Variants in LSM14A observed in about 807,000 individuals in gnomAD.
LSM14A encodes protein LSM14 homolog A.
LSM14A carries 14 observed loss-of-function variants against 52.4 expected under a neutral mutation model. That is an observed-to-expected ratio of 0.27 (90% CI 0.18 to 0.42). The LOEUF is 0.42. Ranked by LOEUF, LSM14A falls within the 10% of genes least tolerant of loss-of-function variation. The pLI is 1.00. For missense variants in LSM14A, 417 were observed against 581.8 expected (o/e 0.72, Z 2.91); for synonymous variants, 185 against 200.3 (o/e 0.92, Z 0.64).
chr19:34,194,775 A>G (rs1290155742), intron 2 of LSM14A, 134 bp downstream of exon 2: 6 of 797,254 alleles, frequency 7.5e-6, no homozygotes, highest in Non-Finnish European at 6.3e-6. Context: ...TTACTGGATA[A>G]TGTTCTCATC....
chr19:34,199,117 A>ATTATTTATTTAT (rs569671773), intron 3 of LSM14A, among the ~76,000 whole-genome samples: 1 of 151,958 alleles, frequency 6.6e-6, no homozygotes, highest in Non-Finnish European at 1.5e-5. Context: ...TATTGGTGTT[A>ATTATTTATTTAT]TTATTTATTT....
At chr19:34,183,632 T>A (rs977267958) in intron 1 of LSM14A, among the ~76,000 whole-genome samples, 35 of 152,074 alleles carry the variant, frequency 2.3e-4, no homozygotes, top group Admixed American at 2.6e-4. Context: ...TTTGGAAGGC[T>A]GAAAAGCAAA....
At chr19:34,216,657 G>A (rs2072625741) in intron 6 of LSM14A, among the ~76,000 whole-genome samples, 1 of 151,976 alleles carries the variant, frequency 6.6e-6, no homozygotes, top group Non-Finnish European at 1.5e-5. Flanking sequence ...ACAGGGCTTT[G>A]CCATGTTGGC....
intron 4 of LSM14A, among the ~76,000 whole-genome samples, chr19:34,214,833 T>G (rs1447144939): frequency 1.3e-5 from 2 of 149,330 alleles, no homozygotes; most frequent in Non-Finnish European, 3.0e-5. Context: ...TTTTTTTTTT[T>G]GATGTAAACT....
rs527293408 is a variant in LSM14A at position 34,220,015 on chromosome 19, G to C, written c.1136+138G>C. On this transcript the variant is annotated intron_variant, in intron 8 of 9. Coordinates refer to ENST00000544216, the MANE Select transcript of LSM14A (RefSeq NM_015578.4). ...GAGACAGTCTTACTCTGTTACTCAG[G>C]CTGGAGAGCAGCAGTGCAGTCACAG... The C allele has an allele frequency of 8.9e-6, 6 of 673,612 alleles. No homozygotes were observed. The East Asian group carries it at 1.7e-4, about 19-fold the overall frequency. The allele number at this position is 673,612 out of a possible 1,614,324, so 41.7% of individuals were successfully genotyped here. A position where few individuals can be genotyped will look rare whatever the true frequency, so the allele number is the denominator to read the frequency against.
intron 3 of LSM14A, 122 bp from the exon 4 acceptor site, chr19:34,208,807 G>T: frequency 3.0e-6 from 2 of 673,510 alleles, no homozygotes; most frequent in Non-Finnish European, 4.8e-6. Context: ...TTATTAATTT[G>T]TACAGATGCT....
intron 4 of LSM14A, among the ~76,000 whole-genome samples, 166 bp downstream of exon 4, chr19:34,209,217 A>G (rs951851038): frequency 6.6e-6 from 1 of 152,214 alleles, no homozygotes; most frequent in Non-Finnish European, 1.5e-5. Context: ...ATATTATTGA[A>G]TGACTCTCAC....
chr19:34,184,646 C>G (rs2069752416), intron 1 of LSM14A, among the ~76,000 whole-genome samples: 1 of 152,162 alleles, frequency 6.6e-6, no homozygotes, highest in South Asian at 2.1e-4. Flanking sequence ...GCTACCTTTG[C>G]TTATGCCTAA....
At chr19:34,190,168 A>C (rs2070254138) in intron 1 of LSM14A, among the ~76,000 whole-genome samples, 1 of 152,000 alleles carries the variant, frequency 6.6e-6, no homozygotes, top group Non-Finnish European at 1.5e-5. Flanking sequence ...CAGACTTCTC[A>C]TTTGTTCTGT....
At chr19:34,211,285 G>A (rs980422279) in intron 4 of LSM14A, among the ~76,000 whole-genome samples, 10 of 150,558 alleles carry the variant, frequency 6.6e-5, no homozygotes, top group African/African-American at 2.2e-4. Flanking sequence ...GCGACAGAGC[G>A]AGACTCCATC....
chr19:34,226,269 A>G (rs2073332260), intron 9 of LSM14A: 1 of 853,688 alleles, frequency 1.2e-6, no homozygotes, highest in Non-Finnish European at 1.7e-6. Flanking sequence ...GTTTCCTCAG[A>G]TGGGGTTCAA....
At chr19:34,215,351 A>G in intron 5 of LSM14A, 51 bp downstream of exon 5, 1 of 1,478,030 alleles carries the variant, frequency 6.8e-7, no homozygotes, top group Non-Finnish European at 9.1e-7. Context: ...AATGTTTTCC[A>G]CTCACTTTAT....
intron 9 of LSM14A, among the ~76,000 whole-genome samples, chr19:34,223,114 T>C (rs2073155098): frequency 6.6e-6 from 1 of 152,126 alleles, no homozygotes; most frequent in South Asian, 2.1e-4. Context: ...AGGGTCTTGC[T>C]GTGTCACCCA....
At chr19:34,204,911 C>T (rs1414702146) in intron 3 of LSM14A, among the ~76,000 whole-genome samples, 2 of 151,876 alleles carry the variant, frequency 1.3e-5, no homozygotes, top group Non-Finnish European at 2.9e-5. Flanking sequence ...ATGGGCAGAT[C>T]GCTTGAGGTC....
At chr19:34,194,109 G>A (rs577337269) in intron 1 of LSM14A, among the ~76,000 whole-genome samples, 1 of 152,266 alleles carries the variant, frequency 6.6e-6, no homozygotes, top group East Asian at 1.9e-4. Context: ...GGAAGCTGAG[G>A]CTGCAGGAAG....
intron 3 of LSM14A, among the ~76,000 whole-genome samples, chr19:34,202,150 T>C (rs1161421974): frequency 6.7e-6 from 1 of 150,314 alleles, no homozygotes; most frequent in Non-Finnish European, 1.5e-5. Context: ...TTTTTTCCAT[T>C]TGGTTGGTTG....
At chr19:34,175,326 G>A (rs1227565726) in intron 1 of LSM14A, among the ~76,000 whole-genome samples, 8 of 151,948 alleles carry the variant, frequency 5.3e-5, no homozygotes, top group African/African-American at 1.2e-4. Context: ...TGCCTTCCAA[G>A]TTCAAGCAAT....
chr19:34,207,934 G>A (rs1313247953), intron 3 of LSM14A, among the ~76,000 whole-genome samples: 3 of 152,158 alleles, frequency 2.0e-5, no homozygotes, highest in Non-Finnish European at 4.4e-5. Context: ...GTGAGTAATG[G>A]TTGAAGGGAC....
In LSM14A at chr19:34,221,752, TTAA is replaced by T; in HGVS notation, c.1368+18_1368+20del. On this transcript the variant is annotated intron_variant, in intron 9 of 9. Coordinates refer to ENST00000544216, the MANE Select transcript of LSM14A (RefSeq NM_015578.4). ...TTTGAATATAGGGTAAGTGTTACTG[TTAA>T]TAAATTCTTTGGGGTTGACATGCAT... 2 of 1,586,916 alleles carry T rather than the reference TTAA, an allele frequency of 1.3e-6. No individual in the cohort carries two copies. The highest frequency in any genetic ancestry group is 1.7e-6 in the Non-Finnish European group (2 of 1,160,222).
Sources: allele counts gnomAD v4.1 joint callset (sites outside exome capture counted in the v4.1 genomes callset), GRCh38; gene constraint gnomAD v4.1.1; transcripts MANE v1.5; gene names NCBI Gene and HGNC (gene_info 2026-07-23, HGNC 2026-07-21).